LRSAM1: variants seen among roughly 807,000 people sequenced by gnomAD.
LRSAM1 encodes the protein leucine rich repeat and sterile alpha motif containing 1, also known as E3 ubiquitin-protein ligase LRSAM1.
Under a neutral mutation model 118.1 loss-of-function variants are expected in LRSAM1, and 96 were observed. The observed-to-expected ratio is 0.81, with a 90% CI of 0.69 to 0.96. The LOEUF (loss-of-function observed/expected upper bound fraction) is 0.96, where lower values mean the gene tolerates loss of function less well. Ranked by LOEUF, LRSAM1 falls within the 40% of genes least tolerant of loss-of-function variation. The pLI, the probability that LRSAM1 is intolerant of heterozygous loss-of-function variation, is 0.00. For synonymous variants in LRSAM1, 322 were observed against 364.2 expected (o/e 0.88, Z 1.32); for missense variants, 804 against 915.5 (o/e 0.88, Z 1.57).
chr9:127,489,542 T>C, intron 19 of LRSAM1, 24 bp downstream of exon 19: 2 of 1,590,030 alleles, frequency 1.3e-6, no homozygotes, highest in Non-Finnish European at 8.5e-7. Flanking sequence ...CTGGGGTCCC[T>C]GGACCTGCTC....
In LRSAM1 at chr9:127,455,623, A is replaced by AAGTT. The variant is rs1188754056; in HGVS notation, c.174+5_174+6insTTAG. ...CATGCAAAGTTCTGCAGAAGAAGGTAAGATGGAGCTTCATCTTCAGAGACT... is the reference window on the plus strand; with the variant it reads ...CATGCAAAGTTCTGCAGAAGAAGGTAAGTTAGATGGAGCTTCATCTTCAGAGACT... On this transcript the variant is annotated splice_donor_region_variant and intron_variant, in intron 5 of 25. Coordinates refer to ENST00000300417, the MANE Select transcript of LRSAM1 (RefSeq NM_001005373.4). The AAGTT allele has an allele frequency of 6.2e-7, 1 of 1,613,488 alleles. No homozygotes were observed. The highest frequency in any genetic ancestry group is 1.7e-5 in the Admixed American group (1 of 60,008).
chr9:127,482,877 G>C, intron 15 of LRSAM1, 73 bp from the exon 16 acceptor site: 7 of 1,396,738 alleles, frequency 5.0e-6, no homozygotes, highest in Non-Finnish European at 7.0e-6. Flanking sequence ...CCTGGAGGAG[G>C]TGGTGTTCAT....
At chr9:127,474,318 A>G (rs1835282170) in intron 11 of LRSAM1, among the ~76,000 whole-genome samples, 1 of 145,624 alleles carries the variant, frequency 6.9e-6, no homozygotes, top group Non-Finnish European at 1.5e-5. Flanking sequence ...CCCAGGCTGG[A>G]GTGCAGTGGT....
rs1426538523 is a variant in LRSAM1 at position 127,495,972 on chromosome 9, G to A, written c.1707G>A (p.Gly569=). ...ACGTTTCTGTCTTGCAGGAAGAGGG[G>A]ATGGAGCGCCAGCTGGTGGCCCTCC... ...KPLSLKLQEE[G]MERQLVALLE... Residue 569 remains glycine (G), a synonymous_variant, in exon 23 of 26, where the codon GGG becomes GGA. Transcript: ENST00000300417. 40 of 1,612,804 alleles carry A rather than the reference G, an allele frequency of 2.5e-5. No individual in the cohort carries two copies. The highest frequency in any genetic ancestry group is 3.4e-5 in the Non-Finnish European group (40 of 1,179,948).
At chr9:127,476,969 G>A (rs1300531816) in intron 11 of LRSAM1, among the ~76,000 whole-genome samples, 2 of 152,132 alleles carry the variant, frequency 1.3e-5, no homozygotes, top group African/African-American at 2.4e-5. Flanking sequence ...GAGCCACCGC[G>A]CCCAGCCAGA....
chr9:127,465,357 C>T lies in LRSAM1; in HGVS notation c.529-2383C>T, dbSNP rs1834888652. Among the ~76,000 whole-genome samples, 1 of 152,152 alleles carries T rather than the reference C, an allele frequency of 6.6e-6. No homozygotes were observed. Among genetic ancestry groups the T allele is most frequent in the Non-Finnish European group, 1.5e-5 (1 of 68,036 alleles). On this transcript the variant is annotated intron_variant, in intron 9 of 25. Transcript: ENST00000300417. This position sits in a 1 kb window ranked among gnomAD's most constrained non-coding sequence, Gnocchi z 4.1. Reference sequence around the variant, plus strand: ...CTTGAAATGTGGTGACTGCAACCAACCATGGACTCAAACTTTAAATCAGAT... The same window carrying T: ...CTTGAAATGTGGTGACTGCAACCAATCATGGACTCAAACTTTAAATCAGAT...
chr9:127,462,190 T>A lies in LRSAM1; in HGVS notation c.407-62T>A, dbSNP rs1834772711. On this transcript the variant is annotated intron_variant, in intron 8 of 25. Coordinates refer to ENST00000300417, the MANE Select transcript of LRSAM1 (RefSeq NM_001005373.4). ...AGGTCAGAGTGGCTCCCAGCGGGCA[T>A]CAGGCAGGAAGCTGGTGATGGGGAT... 3.1e-6 allele frequency: 5 copies of A among 1,610,214 alleles called. No homozygotes were observed. In the South Asian group the frequency reaches 4.4e-5, roughly 14 times the overall value.
chr9:127,484,366 T>C (rs1835651410), intron 16 of LRSAM1, among the ~76,000 whole-genome samples: 1 of 151,732 alleles, frequency 6.6e-6, no homozygotes, highest in Admixed American at 6.6e-5. Context: ...TTCCTGTATA[T>C]GCCACATTTT....
chr9:127,503,063 G>A lies in LRSAM1; in HGVS notation c.*164G>A. 2 of 936,652 alleles carry A rather than the reference G, an allele frequency of 2.1e-6. No individual in the cohort carries two copies. The highest frequency in any genetic ancestry group is 2.7e-5 in the East Asian group (1 of 37,634). The allele number at this position is 936,652 out of a possible 1,614,324, so 58.0% of individuals were successfully genotyped here. On this transcript the variant is annotated 3_prime_UTR_variant, in exon 26 of 26. Transcript: ENST00000300417. The stretch of plus-strand genomic sequence containing the variant: ...CCCATCCTAAGCTCCAAGCATGTCT[G>A]GGCCAGGCAGAGGTGCTCCTCATCC...
rs746202048 is a variant in LRSAM1, at chr9:127,492,870, G to T, written c.1572G>T (p.Gln524His). 1 of 1,614,078 alleles carries T rather than the reference G, an allele frequency of 6.2e-7. No homozygotes were observed. The highest frequency in any genetic ancestry group is 8.5e-7 in the Non-Finnish European group (1 of 1,180,036). ...AGCAGCTGCTCAAAGAGAAGCAGCA[G>T]CGAGAGGAAGAGCTCCGGGAAATCC... ...LLQQLLKEKQQREEELREILT... is the reference protein window; with the variant it reads ...LLQQLLKEKQHREEELREILT... The change falls in exon 21 of 26, where the codon CAG becomes CAT. Residue 524 changes from glutamine (Q) to histidine (H), a missense_variant. By Grantham distance (24) the Gln-to-His change is conservative. Coordinates refer to ENST00000300417, the MANE Select transcript of LRSAM1 (RefSeq NM_001005373.4).
At chr9:127,485,947 C>T (rs374268207) in intron 17 of LRSAM1, 112 bp downstream of exon 17, 1 of 939,482 alleles carries the variant, frequency 1.1e-6, no homozygotes, top group African/African-American at 1.6e-5. Flanking sequence ...CCACCCCAGC[C>T]TCTGCTCTGC....
At chr9:127,489,634 C>T in intron 19 of LRSAM1, 116 bp downstream of exon 19, 1 of 1,176,704 alleles carries the variant, frequency 8.5e-7, no homozygotes, top group South Asian at 1.3e-5. Context: ...GGCTTGCTAG[C>T]CCAACAAGAG....
At chr9:127,491,409 G>A in intron 20 of LRSAM1, 114 bp downstream of exon 20, 1 of 797,950 alleles carries the variant, frequency 1.3e-6, no homozygotes, top group Non-Finnish European at 2.2e-6. Context: ...GGCTTCCCCA[G>A]CAGACAGAGG....
At chr9:127,483,070 T>G (rs781213154) in intron 16 of LRSAM1, 50 bp downstream of exon 16, 1 of 1,549,254 alleles carries the variant, frequency 6.5e-7, no homozygotes, top group Admixed American at 1.7e-5. Context: ...CTGGCTGGGC[T>G]GGCAGGGTGG....
At position 127,495,374 on chromosome 9, in the gene LRSAM1, T is replaced by TATC; in HGVS notation, c.1656_1658dup (p.Tyr552_Gln553insHis). ...GCAGGAAAATTACTGGCTGATTCAG[T>TATC]ATCAACGGCTTTTGAACCAGAAGCC... On this transcript the variant is annotated inframe_insertion, in exon 22 of 26. Transcript: ENST00000300417. The TATC allele has an allele frequency of 6.2e-7, 1 of 1,614,022 alleles. No individual in the cohort carries two copies. The highest frequency in any genetic ancestry group is 1.1e-5 in the South Asian group (1 of 91,080).
chr9:127,479,544 C>G lies in LRSAM1; in HGVS notation c.903+39C>G, dbSNP rs1171152210. The G allele has an allele frequency of 1.9e-6, 3 of 1,610,710 alleles. No individual in the cohort carries two copies. The South Asian group carries it at 3.3e-5, about 18-fold the overall frequency. The stretch of plus-strand genomic sequence containing the variant: ...CTGCTAGGGTCCAGCCTGGCTGCAT[C>G]CCCCAGCCAGTGGCCTCCTGGCTTG... On this transcript the variant is annotated intron_variant, in intron 13 of 25. Coordinates refer to ENST00000300417, the MANE Select transcript of LRSAM1 (RefSeq NM_001005373.4).
rs527664170 is a variant in LRSAM1, at chr9:127,497,142, T to G, written c.1831-111T>G. ...CCAGGCCCCGGAAGGCTTCCACATT[T>G]CCAGCAGGAGGTGTCGACGGTCCTG... On this transcript the variant is annotated intron_variant, in intron 23 of 25. Coordinates refer to ENST00000300417, the MANE Select transcript of LRSAM1 (RefSeq NM_001005373.4). 5.4e-4 allele frequency: 598 copies of G among 1,102,870 alleles called. 6 individuals carry two copies. The Admixed American group carries it at 0.011, about 19-fold the overall frequency. 68.3% of individuals were successfully genotyped at this position (1,102,870 alleles called of 1,614,324 possible).
At chr9:127,457,526 G>C in intron 6 of LRSAM1, 133 bp downstream of exon 6, 3 of 848,732 alleles carry the variant, frequency 3.5e-6, no homozygotes, top group Non-Finnish European at 5.8e-6. Context: ...GATTTGATCA[G>C]TATGGTTTAC....
chr9:127,454,885 A>G (rs1834459194), intron 3 of LRSAM1, 113 bp from the exon 4 acceptor site: 3 of 1,069,740 alleles, frequency 2.8e-6, no homozygotes, highest in South Asian at 1.3e-5. Flanking sequence ...CAGTGGAACC[A>G]GATAGTGTCT....
Sources: gnomAD v4.1 joint callset for allele counts (sites outside exome capture counted in the v4.1 genomes callset) on GRCh38, gnomAD v4.1.1 for gene constraint, Gnocchi (gnomAD v3.1) non-coding constraint, MANE v1.5 for transcripts, NCBI Gene and HGNC (gene_info 2026-07-23, HGNC 2026-07-21) for gene names.